The following CNBD1 variants were observed in gnomAD, a reference collection of about 807,000 sequenced individuals.
CNBD1 encodes cyclic nucleotide binding domain containing 1.
Under a neutral mutation model 54.4 loss-of-function variants are expected in CNBD1, and 71 were observed. That is an observed-to-expected ratio of 1.30 (90% confidence interval 1.08 to 1.59). The LOEUF (loss-of-function observed/expected upper bound fraction) is 1.59, where lower values mean the gene tolerates loss of function less well. Among genes scored for constraint, CNBD1 ranks in the 40% most tolerant of loss-of-function variants. CNBD1 has a pLI of 0.00. For missense variants in CNBD1, 659 were observed against 518.0 expected, an observed-to-expected ratio of 1.27 and a Z score of -2.64; for synonymous variants, 182 against 170.7, an observed-to-expected ratio of 1.07 and a Z score of -0.51.
chr8:87,335,171 G>A lies in CNBD1; in HGVS notation c.1043-16514G>A, dbSNP rs182995143. Among the ~76,000 whole-genome samples the A allele has an allele frequency of 8.1e-4, 124 of 152,248 alleles. 1 individual carries two copies. The highest frequency in any genetic ancestry group is 2.7e-3 in the African/African-American group (114 of 41,538). On this transcript the variant is annotated intron_variant, in intron 8 of 10. Coordinates refer to ENST00000518476, the MANE Select transcript of CNBD1 (RefSeq NM_173538.3). ...AGTGTCATGTGGCACTGAGAATAAT[G>A]TATATTCTGTTCTTTTGTGATGGAG...
At chr8:87,264,702 G>A (rs1429313947) in intron 6 of CNBD1, among the ~76,000 whole-genome samples, 1 of 152,114 alleles carries the variant, frequency 6.6e-6, no homozygotes, top group African/African-American at 2.4e-5. Context: ...TAACTGGTGT[G>A]AGATGATATC....
At chr8:87,017,281 A>G (rs546561376) in intron 4 of CNBD1, among the ~76,000 whole-genome samples, 1 of 152,354 alleles carries the variant, frequency 6.6e-6, no homozygotes, top group East Asian at 1.9e-4. Context: ...TAGGTACTAT[A>G]TCTAACTGGG....
chr8:87,080,023 A>G (rs1396314659), intron 4 of CNBD1, among the ~76,000 whole-genome samples: 2 of 152,062 alleles, frequency 1.3e-5, no homozygotes, highest in East Asian at 3.9e-4. Context: ...CATTGTTTCC[A>G]TATTGATATT....
chr8:87,095,508 C>T (rs1220975171), intron 4 of CNBD1, among the ~76,000 whole-genome samples: 1 of 152,176 alleles, frequency 6.6e-6, no homozygotes, highest in Non-Finnish European at 1.5e-5. Context: ...ATTTTTTACT[C>T]ATGATTTTGC....
At chr8:87,390,299 G>A (rs1360440830) in intron 2 of CNBD1, among the ~76,000 whole-genome samples, 1 of 152,108 alleles carries the variant, frequency 6.6e-6, no homozygotes, top group Non-Finnish European at 1.5e-5. Flanking sequence ...ACTACCATCA[G>A]AGTGAACAGG....
intron 10 of CNBD1, among the ~76,000 whole-genome samples, chr8:87,357,360 A>G (rs1338243755): frequency 1.3e-5 from 2 of 152,174 alleles, no homozygotes; most frequent in Non-Finnish European, 2.9e-5. Context: ...CCAACCCATG[A>G]AAGAAGCCAC....
At chr8:87,009,757 A>G (rs1040126301) in intron 4 of CNBD1, among the ~76,000 whole-genome samples, 7 of 152,182 alleles carry the variant, frequency 4.6e-5, no homozygotes, top group Non-Finnish European at 8.8e-5. Flanking sequence ...GTATTTCTTT[A>G]TAGCTCACAT....
Position 86,929,588 on chromosome 8 carries a change from C to T in CNBD1, c.273-10008C>T, listed in dbSNP as rs556722995. Among the ~76,000 whole-genome samples, 156 of 152,326 alleles carry T rather than the reference C, an allele frequency of 1.0e-3. 2 individuals carry two copies. Among genetic ancestry groups the T allele is most frequent in the African/African-American group, 3.6e-3 (149 of 41,570 alleles). On this transcript the variant is annotated intron_variant, in intron 3 of 10. Coordinates refer to ENST00000518476, the MANE Select transcript of CNBD1 (RefSeq NM_173538.3). ...GGGCAACAGTTTGTTGGTAGTCATGCTCGATTGGTTCCCCATCCTCTGGGA... is the reference window on the plus strand; with the variant it reads ...GGGCAACAGTTTGTTGGTAGTCATGTTCGATTGGTTCCCCATCCTCTGGGA...
chr8:87,213,294 A>G (rs1030781038), intron 5 of CNBD1, among the ~76,000 whole-genome samples: 1 of 152,164 alleles, frequency 6.6e-6, no homozygotes, highest in Non-Finnish European at 1.5e-5. Context: ...AATTCCTCAA[A>G]TATTAACCAT....
intron 4 of CNBD1, among the ~76,000 whole-genome samples, chr8:87,069,211 C>T (rs921918097): frequency 2.0e-5 from 3 of 151,980 alleles, no homozygotes; most frequent in African/African-American, 7.2e-5. Flanking sequence ...TATTGTTACC[C>T]TGGCTGCCTC....
intron 4 of CNBD1, among the ~76,000 whole-genome samples, chr8:87,191,883 G>GA (rs1563502112): frequency 6.6e-6 from 1 of 152,008 alleles, no homozygotes; most frequent in African/African-American, 2.4e-5. Context: ...AAAATCTGTG[G>GA]AAAACCTTTC....
At chr8:87,059,393 C>A (rs1374798608) in intron 4 of CNBD1, among the ~76,000 whole-genome samples, 1 of 152,200 alleles carries the variant, frequency 6.6e-6, no homozygotes, top group African/African-American at 2.4e-5. Context: ...TATAGCAGCA[C>A]CCTACTTCTG....
At chr8:87,042,347 A>G (rs1810089989) in intron 4 of CNBD1, among the ~76,000 whole-genome samples, 1 of 152,222 alleles carries the variant, frequency 6.6e-6, no homozygotes, top group Non-Finnish European at 1.5e-5. Context: ...GGATAGTGTT[A>G]AAACCACGGT....
At chr8:87,372,586 A>T (rs755911190) in intron 10 of CNBD1, among the ~76,000 whole-genome samples, 1 of 151,928 alleles carries the variant, frequency 6.6e-6, no homozygotes, top group Non-Finnish European at 1.5e-5. Context: ...AAAAGAGTCT[A>T]TGCTGTTATA....
chr8:87,054,269 G>C (rs928944461), intron 4 of CNBD1, among the ~76,000 whole-genome samples: 1 of 152,200 alleles, frequency 6.6e-6, no homozygotes, highest in Admixed American at 6.5e-5. Flanking sequence ...AGAAAGGGAA[G>C]TTTGGGGCTG....
chr8:87,393,068 A>G (rs1211001865), intron 2 of CNBD1, among the ~76,000 whole-genome samples: 1 of 151,988 alleles, frequency 6.6e-6, no homozygotes, highest in African/African-American at 2.4e-5. Flanking sequence ...CAGAGGAATT[A>G]TAAATATGAG....
chr8:87,321,179 T>C (rs894222764), intron 8 of CNBD1, among the ~76,000 whole-genome samples: 3 of 146,216 alleles, frequency 2.1e-5, no homozygotes, highest in African/African-American at 7.6e-5. Flanking sequence ...TTTCAATTCT[T>C]TTGAATAAAT....
chr8:87,165,693 A>G (rs1812947349), intron 4 of CNBD1, among the ~76,000 whole-genome samples: 1 of 151,886 alleles, frequency 6.6e-6, no homozygotes, highest in African/African-American at 2.4e-5. Flanking sequence ...CTCGTGTTTT[A>G]TGATCAGCCA....
intron 4 of CNBD1, among the ~76,000 whole-genome samples, chr8:86,956,561 G>T (rs1392043239): frequency 6.6e-6 from 1 of 152,070 alleles, no homozygotes; most frequent in African/African-American, 2.4e-5. Context: ...CTTGTAAGTT[G>T]GATTCCTAGG....
Sources: allele counts gnomAD v4.1 joint callset (sites outside exome capture counted in the v4.1 genomes callset), GRCh38; gene constraint gnomAD v4.1.1; transcripts MANE v1.5; gene names NCBI Gene and HGNC (gene_info 2026-07-23, HGNC 2026-07-21).